Variants in ERGIC1 observed in about 807,000 individuals in gnomAD.
ERGIC1 encodes the protein endoplasmic reticulum-Golgi intermediate compartment protein 1.
In ERGIC1, 19 loss-of-function variants were observed where a neutral mutation model predicts 38.3. That is an observed-to-expected ratio of 0.50 (90% CI 0.35 to 0.73). The LOEUF (loss-of-function observed/expected upper bound fraction) is 0.73, where lower values mean the gene tolerates loss of function less well. Ranked by LOEUF, ERGIC1 falls within the 30% of genes least tolerant of loss-of-function variation. The probability of loss-of-function intolerance (pLI) is 0.01; values close to 1 mark genes in which losing one functional copy is unlikely to be tolerated. For synonymous variants in ERGIC1, 124 were observed against 157.6 expected, an observed-to-expected ratio of 0.79 and a Z score of 1.60; for missense variants, 294 against 389.2, an observed-to-expected ratio of 0.76 and a Z score of 2.06.
intron 2 of ERGIC1, among the ~76,000 whole-genome samples, chr5:172,894,384 C>T (rs1359097883): frequency 4.6e-5 from 7 of 151,462 alleles, no homozygotes; most frequent in Admixed American, 3.3e-4. Context: ...TTAGTAGGGA[C>T]GGGGTTTCAC....
chr5:172,935,142 C>T (rs200203918), intron 8 of ERGIC1, 46 bp from the exon 9 acceptor site: 43 of 1,612,990 alleles, frequency 2.7e-5, no homozygotes, highest in South Asian at 8.8e-5. Context: ...CCCCGCCCCC[C>T]CTGAGACACA....
intron 1 of ERGIC1, among the ~76,000 whole-genome samples, chr5:172,861,270 C>G (rs1761691303): frequency 6.6e-6 from 1 of 152,114 alleles, no homozygotes; most frequent in Non-Finnish European, 1.5e-5. Flanking sequence ...GTGGCTCCCT[C>G]CCTTCCCTCG....
intron 4 of ERGIC1, among the ~76,000 whole-genome samples, chr5:172,910,520 C>CTTTTTTTTTTTT (rs58360974): frequency 7.9e-5 from 11 of 139,032 alleles, no homozygotes; most frequent in African/African-American, 2.5e-4. Context: ...TGAATTACTT[C>CTTTTTTTTTTTT]TTTTTTTTTT....
chr5:172,880,816 C>T (rs931443284), intron 1 of ERGIC1, among the ~76,000 whole-genome samples: 5 of 152,196 alleles, frequency 3.3e-5, no homozygotes, highest in African/African-American at 1.2e-4. Flanking sequence ...TGGGTTCTGC[C>T]CCAGCAGGGG....
At chr5:172,866,920 G>C (rs1761878821) in intron 1 of ERGIC1, 1 of 314,990 alleles carries the variant, frequency 3.2e-6, no homozygotes, top group Non-Finnish European at 6.3e-6. Flanking sequence ...CAGAGCAGGT[G>C]CTAGTGATAT....
chr5:172,876,226 G>A (rs6883010), intron 1 of ERGIC1, among the ~76,000 whole-genome samples: 56,472 of 152,000 alleles, frequency 0.37, 10,566 homozygotes, highest in East Asian at 0.45. Flanking sequence ...GTTTCCTGTC[G>A]TTGCTGATTA....
chr5:172,949,505 G>A (rs954414908), intron 9 of ERGIC1, among the ~76,000 whole-genome samples: 2 of 152,178 alleles, frequency 1.3e-5, no homozygotes, highest in African/African-American at 4.8e-5. Flanking sequence ...GTTGTGGTTA[G>A]TATATTATGA....
At chr5:172,944,834 C>A (rs1314504242) in intron 9 of ERGIC1, among the ~76,000 whole-genome samples, 1 of 152,212 alleles carries the variant, frequency 6.6e-6, no homozygotes, top group Non-Finnish European at 1.5e-5. Context: ...GAGAGGGGCA[C>A]CTGCTGCCTG....
intron 1 of ERGIC1, among the ~76,000 whole-genome samples, chr5:172,848,495 G>A (rs577190514): frequency 6.6e-5 from 10 of 152,222 alleles, no homozygotes; most frequent in South Asian, 2.1e-4. Context: ...TTTTCTGGCC[G>A]CACCTTTTTA....
At position 172,867,589 on chromosome 5, in the gene ERGIC1, C is replaced by T. The variant is rs765730365; in HGVS notation, c.21-21110C>T. 1.7e-4 allele frequency: 70 copies of T among 408,168 alleles called. 2 individuals carry two copies. The highest frequency in any genetic ancestry group is 1.1e-3 in the South Asian group (65 of 58,590). The allele number at this position is 408,168 out of a possible 1,614,324, so 25.3% of individuals were successfully genotyped here. On this transcript the variant is annotated intron_variant, in intron 1 of 9. Transcript: ENST00000393784. ...TACTCCACCCCCGAGTCCTAGCCGC[C>T]CCCTGTCCTCTGGGTCCTGGCTGGG...
intron 1 of ERGIC1, among the ~76,000 whole-genome samples, chr5:172,871,915 CCT>C (rs1762020053): frequency 6.6e-6 from 1 of 152,204 alleles, no homozygotes; most frequent in Non-Finnish European, 1.5e-5. Context: ...CACCAACTAG[CCT>C]CTCAGCCAGG....
Position 172,946,604 on chromosome 5 carries a change from T to C in ERGIC1, c.766-4105T>C, listed in dbSNP as rs1409557391. 3.3e-5 allele frequency among the ~76,000 whole-genome samples: 5 copies of C among 152,304 alleles called. No homozygotes were observed. In the East Asian group the frequency reaches 7.7e-4, roughly 24 times the overall value. On this transcript the variant is annotated intron_variant, in intron 9 of 9. Coordinates refer to ENST00000393784, the MANE Select transcript of ERGIC1 (RefSeq NM_001031711.3). ...TGTTCCAGAAGGTATGGTGACCTTC[T>C]AAGACGAGGGACAGCCATGACCAGC...
intron 1 of ERGIC1, among the ~76,000 whole-genome samples, chr5:172,880,986 C>T (rs560050412): frequency 2.0e-5 from 3 of 152,338 alleles, no homozygotes; most frequent in East Asian, 1.9e-4. Context: ...CGGTGGCTCA[C>T]GCCTGTAATC....
At chr5:172,839,684 GC>G (rs1561696688) in intron 1 of ERGIC1, among the ~76,000 whole-genome samples, 1 of 152,094 alleles carries the variant, frequency 6.6e-6, no homozygotes, top group African/African-American at 2.4e-5. Context: ...ATGTGAAAAG[GC>G]CAGTATTTCG....
At position 172,862,235 on chromosome 5, in the gene ERGIC1, A is replaced by G. The variant is rs1487918857; in HGVS notation, c.21-26464A>G. ...CCTCCTGACCTCAAATGATCTGCCCACCGCAGCCTTCCAAAGTGCTGGATT... is the reference window on the plus strand; with the variant it reads ...CCTCCTGACCTCAAATGATCTGCCCGCCGCAGCCTTCCAAAGTGCTGGATT... On this transcript the variant is annotated intron_variant, in intron 1 of 9. Transcript: ENST00000393784. 3.1e-5 allele frequency among the ~76,000 whole-genome samples: 4 copies of G among 130,874 alleles called. No homozygotes were observed. The East Asian group carries it at 1.1e-3, about 35-fold the overall frequency. 85.9% of individuals were successfully genotyped at this position (130,874 alleles called of 152,430 possible). A position where few individuals can be genotyped will look rare whatever the true frequency, so the allele number is the denominator to read the frequency against.
At chr5:172,884,819 G>A (rs1253450314) in intron 1 of ERGIC1, among the ~76,000 whole-genome samples, 6 of 152,172 alleles carry the variant, frequency 3.9e-5, no homozygotes, top group Non-Finnish European at 8.8e-5. Context: ...TATATGATAC[G>A]TATATATACA....
intron 1 of ERGIC1, among the ~76,000 whole-genome samples, chr5:172,875,962 A>G (rs919548675): frequency 6.6e-6 from 1 of 152,104 alleles, no homozygotes; most frequent in African/African-American, 2.4e-5. Flanking sequence ...TGTTCCTGGT[A>G]TTTTCTGTAA....
intron 5 of ERGIC1, among the ~76,000 whole-genome samples, chr5:172,923,718 C>T (rs535742760): frequency 1.3e-5 from 2 of 152,346 alleles, no homozygotes; most frequent in East Asian, 3.9e-4. Flanking sequence ...GCCATGAGTC[C>T]TGGCTTTGTG....
At chr5:172,863,602 G>A (rs115236746) in intron 1 of ERGIC1, among the ~76,000 whole-genome samples, 135 of 152,220 alleles carry the variant, frequency 8.9e-4, no homozygotes, top group Middle Eastern at 3.4e-3. Context: ...TTGTTGGTCC[G>A]GATCTGAAGC....
Sources: allele counts gnomAD v4.1 joint callset (sites outside exome capture counted in the v4.1 genomes callset), GRCh38; gene constraint gnomAD v4.1.1; transcripts MANE v1.5; gene names NCBI Gene and HGNC (gene_info 2026-07-23, HGNC 2026-07-21).